The following GSDME variants were observed in gnomAD, a reference collection of about 807,000 sequenced individuals.
The protein encoded by GSDME is gasdermin-E.
Under a neutral mutation model 47.5 loss-of-function variants are expected in GSDME, and 44 were observed. That is an observed-to-expected ratio of 0.93 (90% CI 0.73 to 1.19). The LOEUF is 1.19. Ranked by LOEUF, GSDME falls within the 50% of genes most tolerant of loss-of-function variation. The pLI is 0.00. For synonymous variants in GSDME, 258 were observed against 252.8 expected (o/e 1.02, Z -0.20); for missense variants, 663 against 604.2 (o/e 1.10, Z -1.02).
chr7:24,780,666 C>G, the GSDME span, among the ~76,000 whole-genome samples: 1 of 152,190 alleles, frequency 6.6e-6, no homozygotes, highest in Non-Finnish European at 1.5e-5. This position sits in a 1 kb window ranked among gnomAD's most constrained non-coding sequence, Gnocchi z 4.1. Context: ...TGTTAAGTTT[C>G]TATGCGTTGT....
Position 24,749,596 on chromosome 7 carries a change from T to A in GSDME, c.179A>T (p.Asp60Val). Residue 60 changes from aspartate to valine, a missense_variant, in exon 2 of 10, where the codon GAT becomes GTT. Transcript: ENST00000645220. ...KYQFLSLTLG[D>V]VLIEDQFPSP... ...CGGAAATTGGTCTTCTATGAGTACA[T>A]CGCCAAGGGTGAGGGATAAAAACTG... The A allele has an allele frequency of 6.2e-7, 1 of 1,613,530 alleles. No homozygotes were observed. The highest frequency in any genetic ancestry group is 1.1e-5 in the South Asian group (1 of 91,038).
At chr7:24,770,370 T>G in the GSDME span, among the ~76,000 whole-genome samples, 2 of 152,228 alleles carry the variant, frequency 1.3e-5, no homozygotes, top group African/African-American at 4.8e-5. This position sits in a 1 kb window ranked among gnomAD's most constrained non-coding sequence, Gnocchi z 4.6. Context: ...TTGTATCCTT[T>G]ATGATAAACT....
chr7:24,773,793 C>G, the GSDME span, among the ~76,000 whole-genome samples: 1 of 152,206 alleles, frequency 6.6e-6, no homozygotes, highest in Non-Finnish European at 1.5e-5. The surrounding 1 kb of genome is among the most constrained non-coding windows in gnomAD (Gnocchi z 5.4). Context: ...TTAGTGTTAA[C>G]TCCATTTGTC....
At position 24,706,340 on chromosome 7, in the gene GSDME, C is replaced by T. The variant is rs751511363; in HGVS notation, c.1027G>A (p.Ala343Thr). The T allele has an allele frequency of 1.2e-6, 2 of 1,613,366 alleles. No homozygotes were observed. The highest frequency in any genetic ancestry group is 2.2e-5 in the South Asian group (2 of 91,038). Residue 343 changes from alanine (A) to threonine (T), a missense_variant, in exon 8 of 10, where the codon GCG (alanine) becomes ACG (threonine). Transcript: ENST00000645220. The stretch of plus-strand genomic sequence containing the variant: ...CGGGGCTTCAGCTCCCCCAGCACCG[C>T]CACTGTGGGCGAGAGGCCGCTGACC... ...DLVSGLSPTV[A>T]VLGELKPRQQ...
the GSDME span, among the ~76,000 whole-genome samples, chr7:24,770,155 T>G: frequency 1.3e-5 from 2 of 152,218 alleles, no homozygotes; most frequent in African/African-American, 4.8e-5. This position sits in a 1 kb window ranked among gnomAD's most constrained non-coding sequence, Gnocchi z 4.6. Context: ...GAGATTGAAT[T>G]CAATCACCAA....
At chr7:24,713,607 G>A (rs1207254736) in intron 5 of GSDME, among the ~76,000 whole-genome samples, 11 of 152,288 alleles carry the variant, frequency 7.2e-5, no homozygotes, top group East Asian at 3.9e-4. Context: ...TGAGATCACG[G>A]GGCAAGTGGC....
the GSDME span, among the ~76,000 whole-genome samples, chr7:24,776,525 T>C: frequency 6.6e-6 from 1 of 152,224 alleles, no homozygotes; most frequent in Admixed American, 6.5e-5. Context: ...CCAACTATTT[T>C]ATTTTGAAGC....
At chr7:24,709,057 A>G (rs371532365) in intron 6 of GSDME, among the ~76,000 whole-genome samples, 1 of 152,248 alleles carries the variant, frequency 6.6e-6, no homozygotes, top group Admixed American at 6.5e-5. Flanking sequence ...GACGATTCCA[A>G]CTAGCAGTTG....
intron 5 of GSDME, among the ~76,000 whole-genome samples, chr7:24,713,437 A>C (rs771841344): frequency 2.0e-5 from 3 of 152,154 alleles, no homozygotes; most frequent in Non-Finnish European, 2.9e-5. Context: ...CTTCACTTTA[A>C]AATATCTTAG....
rs1316141581 is a variant in GSDME at position 24,738,516 on chromosome 7, G to A, written c.404+6046C>T. On this transcript the variant is annotated intron_variant, in intron 3 of 9. Transcript: ENST00000645220. The stretch of plus-strand genomic sequence containing the variant: ...GATGTTCCATATTCACAGATCAGAA[G>A]AATAAATATTGTTAAAATGTCCATA... Among the ~76,000 whole-genome samples the A allele has an allele frequency of 2.0e-5, 3 of 152,050 alleles. No homozygotes were observed. In the East Asian group the frequency reaches 5.8e-4, roughly 29 times the overall value.
the GSDME span, among the ~76,000 whole-genome samples, chr7:24,792,642 A>T: frequency 6.6e-6 from 1 of 152,216 alleles, no homozygotes; most frequent in South Asian, 2.1e-4. Context: ...TCTTAGCTTT[A>T]GTTTGGTAGG....
At chr7:24,769,558 G>A in the GSDME span, among the ~76,000 whole-genome samples, 1 of 152,084 alleles carries the variant, frequency 6.6e-6, no homozygotes, top group Admixed American at 6.6e-5. Context: ...ACATAATGGG[G>A]GGAGGGAACT....
intron 7 of GSDME, 128 bp downstream of exon 7, chr7:24,707,999 A>T: frequency 1.7e-6 from 2 of 1,195,852 alleles, no homozygotes; most frequent in Non-Finnish European, 2.4e-6. Flanking sequence ...AGGACCCAAG[A>T]GTCAGAAAAG....
At chr7:24,791,509 T>C in the GSDME span, among the ~76,000 whole-genome samples, 10 of 152,324 alleles carry the variant, frequency 6.6e-5, no homozygotes, top group African/African-American at 2.4e-4. The surrounding 1 kb of genome is among the most constrained non-coding windows in gnomAD (Gnocchi z 4.8). Context: ...GATGTAGAAG[T>C]ACTGGCCTAA....
the GSDME span, among the ~76,000 whole-genome samples, chr7:24,782,335 C>T: frequency 2.0e-5 from 3 of 151,278 alleles, no homozygotes; most frequent in East Asian, 5.8e-4. Context: ...TTTGTCCTTG[C>T]GATAGTTTGC....
In GSDME at chr7:24,710,252, C is replaced by T. The variant is rs201992897; in HGVS notation, c.834G>A (p.Gln278=). 12 of 1,614,020 alleles carry T rather than the reference C, an allele frequency of 7.4e-6. No homozygotes were observed. The Admixed American group carries it at 2.0e-4, about 27-fold the overall frequency. Reference sequence around the variant, plus strand: ...GCTTTAAAACACTTAATGGTCCATCCTGGGAAGATATCCCATGCGCAGCAT... The same window carrying T: ...GCTTTAAAACACTTAATGGTCCATCTTGGGAAGATATCCCATGCGCAGCAT... ...MPDAAHGISS[Q]DGPLSVLKQA... Residue 278 remains glutamine (Q), a synonymous_variant, in exon 6 of 10, where the codon CAG becomes CAA. Coordinates refer to ENST00000645220, the MANE Select transcript of GSDME (RefSeq NM_001127453.2).
chr7:24,780,223 T>C, the GSDME span, among the ~76,000 whole-genome samples: 2 of 152,204 alleles, frequency 1.3e-5, no homozygotes, highest in African/African-American at 2.4e-5. The surrounding 1 kb of genome is among the most constrained non-coding windows in gnomAD (Gnocchi z 4.1). Flanking sequence ...TAGAGTTACA[T>C]ATTAGAAACT....
chr7:24,738,848 T>C (rs1790393505), intron 3 of GSDME, among the ~76,000 whole-genome samples: 1 of 152,164 alleles, frequency 6.6e-6, no homozygotes, highest in Admixed American at 6.5e-5. Context: ...GTTGAACTCA[T>C]TTTCAATAAA....
At chr7:24,711,800 G>A in intron 5 of GSDME, among the ~76,000 whole-genome samples, 1 of 127,548 alleles carries the variant, frequency 7.8e-6, no homozygotes, top group Non-Finnish European at 1.6e-5. Flanking sequence ...GGGCAATAGA[G>A]CAAGACCTTG....
Sources: allele counts gnomAD v4.1 joint callset (sites outside exome capture counted in the v4.1 genomes callset), GRCh38; gene constraint gnomAD v4.1.1; non-coding constraint Gnocchi (gnomAD v3.1); transcripts MANE v1.5; gene names NCBI Gene and HGNC (gene_info 2026-07-23, HGNC 2026-07-21).